NOTCH4: variants seen among roughly 807,000 people sequenced by gnomAD.
NOTCH4 encodes the protein neurogenic locus notch homolog protein 4.
In NOTCH4, 138 loss-of-function variants were observed where a neutral mutation model predicts 189.0. The observed-to-expected ratio is 0.73, with a 90% confidence interval of 0.64 to 0.84. The LOEUF is 0.84. Ranked by LOEUF, NOTCH4 falls within the 40% of genes least tolerant of loss-of-function variation. NOTCH4 has a pLI of 0.00. For missense variants in NOTCH4, 2,286 were observed against 2,605.4 expected, an observed-to-expected ratio of 0.88 and a Z score of 2.67; for synonymous variants, 942 against 1,032.8, an observed-to-expected ratio of 0.91 and a Z score of 1.69.
chr6:32,223,381 C>A (rs1251138691), intron 1 of NOTCH4, among the ~76,000 whole-genome samples: 1 of 152,094 alleles, frequency 6.6e-6, no homozygotes, highest in African/African-American at 2.4e-5. Context: ...GCGGAGGTGG[C>A]TCCCGGGAGG....
chr6:32,201,048 G>T lies in NOTCH4; in HGVS notation c.4140-42C>A. The T allele has an allele frequency of 6.4e-7, 1 of 1,560,206 alleles. No homozygotes were observed. ...TCAGAGACCTCTGTATTGGTCCCTG[G>T]CTCCCTTTCCTCCCTCTGCCCTCTT... On this transcript the variant is annotated intron_variant, in intron 22 of 29. Transcript: ENST00000375023. The surrounding 1 kb of genome is among the most constrained non-coding windows in gnomAD (Gnocchi z 5.5).
rs1789971823 is a variant in NOTCH4 at position 32,223,995 on chromosome 6, T to C, written c.-67A>G. The C allele has an allele frequency of 8.0e-6, 12 of 1,494,156 alleles. No individual in the cohort carries two copies. Among genetic ancestry groups the C allele is most frequent in the Non-Finnish European group, 1.1e-5 (12 of 1,119,886 alleles). 92.6% of individuals were successfully genotyped at this position (1,494,156 alleles called of 1,614,324 possible). ...AGGCAGGGACCCTCAGAGCTCTCAC[T>C]GGGGCAGGAGCCACCTCCTCTGCTC... On this transcript the variant is annotated 5_prime_UTR_variant, in exon 1 of 30. Transcript: ENST00000375023.
chr6:32,197,059 C>T lies in NOTCH4; in HGVS notation c.5066G>A (p.Ser1689Asn). 6.2e-7 allele frequency: 1 copy of T among 1,612,666 alleles called. No individual in the cohort carries two copies. Among genetic ancestry groups the T allele is most frequent in the East Asian group, 2.2e-5 (1 of 44,880 alleles). The change falls in exon 28 of 30, where the codon AGC becomes AAC. Residue 1689 changes from serine to asparagine, a missense_variant. Physicochemically the swap from Ser to Asn is conservative, Grantham distance 46. Coordinates refer to ENST00000375023, the MANE Select transcript of NOTCH4 (RefSeq NM_004557.4). ...GCGAGCGTCCACTGCAGTTTGTCTG[C>T]TACGGAGCAGAAGCTGGGGAGACAG... is the stretch of plus-strand genomic sequence containing the variant. ...AREVCQLLLR[S>N]RQTAVDARTE... is the part of the protein sequence containing the mutation.
rs576707363 is a variant in NOTCH4 at position 32,213,030 on chromosome 6, C to T, written c.2438+105G>A. 1.6e-3 allele frequency: 2,016 copies of T among 1,230,394 alleles called. 2 individuals are homozygous for T. The highest frequency in any genetic ancestry group is 2.8e-3 in the Admixed American group (154 of 55,170). 76.2% of individuals were successfully genotyped at this position (1,230,394 alleles called of 1,614,324 possible). On this transcript the variant is annotated intron_variant, in intron 15 of 29. Coordinates refer to ENST00000375023, the MANE Select transcript of NOTCH4 (RefSeq NM_004557.4). ...TGGCAAGCCAGGAGGGAAGGCGGAA[C>T]GAGGTGTGGGGTGGGAGGCAGCCTG... is the stretch of plus-strand genomic sequence containing the variant.
rs764180296 is a variant in NOTCH4, at chr6:32,210,229, A to G, written c.2865+523T>C. Reference sequence around the variant, plus strand: ...GGATAAAGGCTGAGAGGCAAGAATCAGTATGGGGTACGTGGCAAAGTCAGC... The same window carrying G: ...GGATAAAGGCTGAGAGGCAAGAATCGGTATGGGGTACGTGGCAAAGTCAGC... On this transcript the variant is annotated intron_variant, in intron 18 of 29. Coordinates refer to ENST00000375023, the MANE Select transcript of NOTCH4 (RefSeq NM_004557.4). This position sits in a 1 kb window ranked among gnomAD's most constrained non-coding sequence, Gnocchi z 4.8. Among the ~76,000 whole-genome samples the G allele has an allele frequency of 5.9e-5, 9 of 152,172 alleles. No homozygotes were observed. The highest frequency in any genetic ancestry group is 8.8e-5 in the Non-Finnish European group (6 of 68,028).
intron 17 of NOTCH4, 138 bp from the exon 18 acceptor site, chr6:32,211,074 C>T (rs1177937553): frequency 1.3e-6 from 1 of 744,932 alleles, no homozygotes; most frequent in African/African-American, 1.8e-5. Flanking sequence ...GCCTGGCAAA[C>T]ATGGGGAAAC....
At position 32,196,058 on chromosome 6, in the gene NOTCH4, G is replaced by A. The variant is rs1298751611; in HGVS notation, c.5391C>T (p.Asp1797=). The change falls in exon 30 of 30, where the codon GAC becomes GAT. Residue 1797 remains aspartate (D), a synonymous_variant. Transcript: ENST00000375023. ...LGLGAARELR[D]QAGLAPADVA... ...CGTCCGCCGGCGCTAGCCCAGCCTG[G>A]TCCCGCAGCTCTCGGGCTGCCCCCA... 2 of 1,594,064 alleles carry A rather than the reference G, an allele frequency of 1.3e-6. No individual in the cohort carries two copies. The highest frequency in any genetic ancestry group is 1.7e-6 in the Non-Finnish European group (2 of 1,177,008).
chr6:32,219,799 A>G lies in NOTCH4; in HGVS notation c.1316-13T>C. 6.2e-7 allele frequency: 1 copy of G among 1,607,674 alleles called. No homozygotes were observed. The highest frequency in any genetic ancestry group is 8.5e-7 in the Non-Finnish European group (1 of 1,176,978). ...GGGCCTTGCTGGGCTGGGAGGAGAG[A>G]AGAGCTGGGAGTCCACAGGGGTCAG... On this transcript the variant is annotated splice_polypyrimidine_tract_variant and intron_variant, in intron 7 of 29. Transcript: ENST00000375023.
At chr6:32,213,109 T>C in intron 15 of NOTCH4, 26 bp downstream of exon 15, 1 of 1,566,574 alleles carries the variant, frequency 6.4e-7, no homozygotes, top group African/African-American at 1.4e-5. Context: ...TTTTCTCCCT[T>C]CTAGGGGTCT....
In NOTCH4 at chr6:32,220,444, C is replaced by T. The variant is rs777703426; in HGVS notation, c.1120G>A (p.Val374Met). The T allele has an allele frequency of 6.2e-6, 10 of 1,614,006 alleles. No homozygotes were observed. Among genetic ancestry groups the T allele is most frequent in the Non-Finnish European group, 8.5e-6 (10 of 1,179,998 alleles). The change falls in exon 6 of 30, where the codon GTG becomes ATG. Residue 374 changes from valine to methionine, a missense_variant. Coordinates refer to ENST00000375023, the MANE Select transcript of NOTCH4 (RefSeq NM_004557.4). The part of the protein sequence containing the change: ...CAPGSTCIDR[V>M]GSFSCLCPPG... ...GGGCAGAGGCAGGAGAAAGAGCCCA[C>T]CCGGTCAATGCAGGTGGATCCCGGG...
chr6:32,197,729 G>A, intron 26 of NOTCH4, 135 bp from the exon 27 acceptor site: 7 of 688,454 alleles, frequency 1.0e-5, no homozygotes, highest in Non-Finnish European at 1.6e-5. Context: ...TTAGCCAAGT[G>A]ACTTTTCTGC....
At position 32,218,145 on chromosome 6, in the gene NOTCH4, CAG is replaced by C. The variant is rs9279512; in HGVS notation, c.1511-39_1511-38del. On this transcript the variant is annotated intron_variant, in intron 8 of 29. Transcript: ENST00000375023. ...GGGACCATGAGGGCTGTGGCTCAGC[CAG>C]GTCTGCCTGGGAGACCTGTGTTCTA... The C allele has an allele frequency of 0.43, 588,645 of 1,383,946 alleles. 129,382 individuals are homozygous for C. Among genetic ancestry groups the C allele is most frequent in the Middle Eastern group, 0.5 (2,492 of 4,962 alleles). 85.7% of individuals were successfully genotyped at this position (1,383,946 alleles called of 1,614,324 possible). A position where few individuals can be genotyped will look rare whatever the true frequency, so the allele number is the denominator to read the frequency against.
At position 32,212,249 on chromosome 6, in the gene NOTCH4, G is replaced by A. The variant is rs1789065395; in HGVS notation, c.2680+225C>T. 6.6e-6 allele frequency among the ~76,000 whole-genome samples: 1 copy of A among 152,168 alleles called. No homozygotes were observed. Among genetic ancestry groups the A allele is most frequent in the Non-Finnish European group, 1.5e-5 (1 of 68,040 alleles). On this transcript the variant is annotated intron_variant, in intron 17 of 29. Transcript: ENST00000375023. The surrounding 1 kb of genome is among the most constrained non-coding windows in gnomAD (Gnocchi z 4.4). ...AACTGGAATCCTGTGGAATGGGCTG[G>A]TTGGTGTTGCTTGAATTGCGTTAAA...
chr6:32,209,241 G>A (rs1360848482), intron 18 of NOTCH4, among the ~76,000 whole-genome samples: 1 of 152,190 alleles, frequency 6.6e-6, no homozygotes, highest in Non-Finnish European at 1.5e-5. Flanking sequence ...GTAGATACTT[G>A]CATCAGCCTC....
chr6:32,205,531 G>A (rs1182580762), intron 18 of NOTCH4, among the ~76,000 whole-genome samples: 1 of 108,228 alleles, frequency 9.2e-6, no homozygotes, highest in African/African-American at 3.7e-5. Flanking sequence ...CGGGGCAACA[G>A]AGTGAGATGC....
chr6:32,204,485 T>C, intron 18 of NOTCH4, 96 bp from the exon 19 acceptor site: 1 of 1,380,876 alleles, frequency 7.2e-7, no homozygotes, highest in Non-Finnish European at 9.9e-7. Flanking sequence ...GTCCCCCACC[T>C]TCCAGCTCAA....
rs747595966 is a variant in NOTCH4, at chr6:32,195,707, ACGGCCGCGAGGGGT to A, written c.5728_5741del (p.Thr1910Ter). The A allele has an allele frequency of 6.2e-7, 1 of 1,612,890 alleles. No individual in the cohort carries two copies. Among genetic ancestry groups the A allele is most frequent in the Non-Finnish European group, 8.5e-7 (1 of 1,179,964 alleles). ...GCCCGCGCATGCCTGCAGAAAACCT[ACGGCCGCGAGGGGT>A]CGGGCCTCCTCCTGCTCCTACTCCC... is the stretch of plus-strand genomic sequence containing the variant. On this transcript the variant is annotated frameshift_variant, in exon 30 of 30. Transcript: ENST00000375023. LOFTEE classifies it low-confidence loss of function (END_TRUNC). This position sits in a 1 kb window ranked among gnomAD's most constrained non-coding sequence, Gnocchi z 5.4.
Position 32,199,284 on chromosome 6 carries a change from A to AGGTT in NOTCH4, c.4316-143_4316-140dup. On this transcript the variant is annotated intron_variant, in intron 23 of 29. Transcript: ENST00000375023. This position sits in a 1 kb window ranked among gnomAD's most constrained non-coding sequence, Gnocchi z 4.9. ...AAAATGGGGATGATAATATAGATTG[A>AGGTT]GGTTGGGCACAGTGGCTCATGCCTG... is the stretch of plus-strand genomic sequence containing the variant. 1.6e-6 allele frequency: 1 copy of AGGTT among 644,318 alleles called. No individual in the cohort carries two copies. The highest frequency in any genetic ancestry group is 2.6e-6 in the Non-Finnish European group (1 of 386,748). 39.9% of individuals were successfully genotyped at this position (644,318 alleles called of 1,614,324 possible).
rs1367178728 is a variant in NOTCH4 at position 32,204,235 on chromosome 6, A to G, written c.3020T>C (p.Val1007Ala). 1 of 1,613,028 alleles carries G rather than the reference A, an allele frequency of 6.2e-7. No individual in the cohort carries two copies. The highest frequency in any genetic ancestry group is 8.5e-7 in the Non-Finnish European group (1 of 1,180,008). The change falls in exon 19 of 30, where the codon GTG becomes GCG. Residue 1007 changes from valine to alanine, a missense_variant. By Grantham distance (64) the Val-to-Ala change is moderately conservative. Transcript: ENST00000375023. ...GCAGGGCTGGTCCAGACACTCGTCC[A>G]CGTCTCCCTCACAGCGTAGCCCCAC... The part of the protein sequence containing the change: ...GFVGLRCEGD[V>A]DECLDQPCHP...
Sources: allele counts gnomAD v4.1 joint callset (sites outside exome capture counted in the v4.1 genomes callset), GRCh38; gene constraint gnomAD v4.1.1; non-coding constraint Gnocchi (gnomAD v3.1); transcripts MANE v1.5; gene names NCBI Gene and HGNC (gene_info 2026-07-23, HGNC 2026-07-21).